KHDRBS2: variants seen among roughly 807,000 people sequenced by gnomAD.
The protein encoded by KHDRBS2 is KH RNA binding domain containing, signal transduction associated 2, also known as KH domain-containing, RNA-binding, signal transduction-associated protein 2.
In KHDRBS2, 26 loss-of-function variants were observed where a neutral mutation model predicts 44.3. That is an observed-to-expected ratio of 0.59 (90% CI 0.43 to 0.81). The LOEUF (loss-of-function observed/expected upper bound fraction) is 0.81, where lower values mean the gene tolerates loss of function less well. Among genes scored for constraint, KHDRBS2 ranks in the 40% least tolerant of loss-of-function variants. The pLI, the probability that KHDRBS2 is intolerant of heterozygous loss-of-function variation, is 0.00. For synonymous variants in KHDRBS2, 194 were observed against 151.1 expected (o/e 1.28, Z -2.08); for missense variants, 476 against 433.1 (o/e 1.10, Z -0.88).
At chr6:62,275,042 C>CACAT (rs1554138988) in intron 1 of KHDRBS2, among the ~76,000 whole-genome samples, 7 of 148,760 alleles carry the variant, frequency 4.7e-5, no homozygotes, top group African/African-American at 1.2e-4. Context: ...CACACACACA[C>CACAT]ATATATATTC....
the KHDRBS2 span, among the ~76,000 whole-genome samples, chr6:61,565,727 C>G: frequency 6.6e-6 from 1 of 151,962 alleles, no homozygotes; most frequent in East Asian, 1.9e-4. Flanking sequence ...ATGTGGGAGA[C>G]TATTGTATAA....
the KHDRBS2 span, among the ~76,000 whole-genome samples, chr6:61,627,769 G>C: frequency 6.6e-6 from 1 of 152,114 alleles, no homozygotes; most frequent in Non-Finnish European, 1.5e-5. Flanking sequence ...TCTTTATTTG[G>C]TTGGTCTTGA....
intron 4 of KHDRBS2, among the ~76,000 whole-genome samples, chr6:61,970,203 T>A (rs1475903691): frequency 6.6e-6 from 1 of 151,986 alleles, no homozygotes; most frequent in Non-Finnish European, 1.5e-5. Context: ...CTTACCACCA[T>A]CATCATATAT....
chr6:61,917,589 C>T (rs1807255209), intron 4 of KHDRBS2, among the ~76,000 whole-genome samples: 3 of 151,874 alleles, frequency 2.0e-5, no homozygotes, highest in Non-Finnish European at 2.9e-5. Flanking sequence ...TTTGCCCAAA[C>T]CCAAAGAATG....
chr6:61,938,639 A>G (rs1811499075), intron 4 of KHDRBS2, among the ~76,000 whole-genome samples: 1 of 152,186 alleles, frequency 6.6e-6, no homozygotes. Flanking sequence ...ACTCAGTTCT[A>G]AAAGGATGAA....
At chr6:61,573,792 G>GAAAAA in the KHDRBS2 span, among the ~76,000 whole-genome samples, 1 of 146,016 alleles carries the variant, frequency 6.8e-6, no homozygotes, top group Non-Finnish European at 1.5e-5. Context: ...TCTGTCTCAG[G>GAAAAA]AAAAAAAAAA....
At chr6:61,585,444 T>C in the KHDRBS2 span, among the ~76,000 whole-genome samples, 5 of 152,086 alleles carry the variant, frequency 3.3e-5, no homozygotes, top group African/African-American at 1.2e-4. Context: ...ACTAAAATTA[T>C]AATTATAGTA....
At chr6:61,771,896 A>ACT (rs1780981899) in intron 6 of KHDRBS2, among the ~76,000 whole-genome samples, 1 of 152,158 alleles carries the variant, frequency 6.6e-6, no homozygotes, top group Non-Finnish European at 1.5e-5. Context: ...TCTTTTCAGC[A>ACT]CCACACCACA....
chr6:61,718,250 G>T (rs929389690), intron 7 of KHDRBS2, among the ~76,000 whole-genome samples: 1 of 152,032 alleles, frequency 6.6e-6, no homozygotes. Context: ...TAAGAAGTTT[G>T]TGCGAGGGGT....
At chr6:62,191,069 T>A (rs528455989) in intron 1 of KHDRBS2, among the ~76,000 whole-genome samples, 43 of 152,258 alleles carry the variant, frequency 2.8e-4, no homozygotes, top group Non-Finnish European at 1.9e-4. Context: ...CTCTCTTCTG[T>A]TGGAGTATGG....
At chr6:61,709,632 C>T (rs979435193) in intron 7 of KHDRBS2, among the ~76,000 whole-genome samples, 5 of 151,448 alleles carry the variant, frequency 3.3e-5, no homozygotes, top group Non-Finnish European at 5.9e-5. Context: ...GAGCGGTGAG[C>T]AATTTTATAA....
At chr6:61,917,269 A>G (rs1360728051) in intron 4 of KHDRBS2, among the ~76,000 whole-genome samples, 1 of 151,898 alleles carries the variant, frequency 6.6e-6, no homozygotes, top group Non-Finnish European at 1.5e-5. Context: ...AGCAATAAAA[A>G]TAAATGAGTT....
chr6:61,642,342 C>T, the KHDRBS2 span, among the ~76,000 whole-genome samples: 1 of 152,028 alleles, frequency 6.6e-6, no homozygotes, highest in East Asian at 1.9e-4. Flanking sequence ...AAATACATAA[C>T]TCTTCACTTA....
At chr6:61,969,167 G>T (rs187823867) in intron 4 of KHDRBS2, among the ~76,000 whole-genome samples, 16 of 152,066 alleles carry the variant, frequency 1.1e-4, no homozygotes, top group African/African-American at 3.4e-4. Flanking sequence ...TCTAAATAAA[G>T]AATTTTTGGA....
At chr6:61,749,510 C>A (rs1225369337) in intron 6 of KHDRBS2, among the ~76,000 whole-genome samples, 2 of 152,138 alleles carry the variant, frequency 1.3e-5, no homozygotes, top group Non-Finnish European at 2.9e-5. Flanking sequence ...AGTTTGAGAG[C>A]AAAATTATAC....
At chr6:62,000,097 T>C (rs1178389543) in intron 3 of KHDRBS2, among the ~76,000 whole-genome samples, 1 of 152,086 alleles carries the variant, frequency 6.6e-6, no homozygotes, top group Non-Finnish European at 1.5e-5. Context: ...TAGGGGGCCC[T>C]CATACAGACT....
chr6:61,924,299 A>C (rs1329860277), intron 4 of KHDRBS2, among the ~76,000 whole-genome samples: 1 of 152,118 alleles, frequency 6.6e-6, no homozygotes, highest in Non-Finnish European at 1.5e-5. Context: ...TAAGTGGGCC[A>C]TGGTAATAGC....
At chr6:61,845,467 G>A (rs1425306608) in intron 6 of KHDRBS2, among the ~76,000 whole-genome samples, 10 of 152,036 alleles carry the variant, frequency 6.6e-5, no homozygotes, top group East Asian at 3.9e-4. Context: ...ATGCCACTAC[G>A]CCCAGCTAAT....
the KHDRBS2 span, among the ~76,000 whole-genome samples, chr6:61,616,048 G>T: frequency 9.2e-5 from 14 of 152,162 alleles, no homozygotes; most frequent in Non-Finnish European, 1.9e-4. Context: ...TTAAAAGACA[G>T]AATCCTGAGT....
Sources: gnomAD v4.1 joint callset for allele counts (sites outside exome capture counted in the v4.1 genomes callset) on GRCh38, gnomAD v4.1.1 for gene constraint, MANE v1.5 for transcripts, NCBI Gene and HGNC (gene_info 2026-07-23, HGNC 2026-07-21) for gene names.